The following ACSM2B variants were observed in gnomAD, a reference collection of about 807,000 sequenced individuals.
ACSM2B encodes the protein acyl-CoA synthetase medium chain family member 2B, also known as acyl-coenzyme A synthetase ACSM2B, mitochondrial.
ACSM2B carries 58 observed loss-of-function variants against 78.6 expected under a neutral mutation model. That is an observed-to-expected ratio of 0.74 (90% CI 0.60 to 0.92). The LOEUF is 0.92. ACSM2B is among the 40% of genes least tolerant of loss of function. The pLI is 0.00. For synonymous variants in ACSM2B, 257 were observed against 256.8 expected (o/e 1.00, Z -0.01); for missense variants, 688 against 711.2 (o/e 0.97, Z 0.37).
chr16:20,558,977 T>A (rs1384687606), intron 3 of ACSM2B, among the ~76,000 whole-genome samples: 1 of 152,210 alleles, frequency 6.6e-6, no homozygotes, highest in Non-Finnish European at 1.5e-5. Flanking sequence ...ACATGTGCAA[T>A]TAATAGTTTA....
Position 20,537,362 on chromosome 16 carries a change from T to A in ACSM2B, c.1630A>T (p.Ile544Leu), listed in dbSNP as rs757753780. Residue 544 changes from isoleucine (I) to leucine (L), a missense_variant and splice_region_variant, in exon 14 of 14, where the codon ATA becomes TTA. Ile to Leu is a conservative substitution (Grantham distance 5, BLOSUM62 2). Coordinates refer to ENST00000329697, the MANE Select transcript of ACSM2B (RefSeq NM_001105069.2). Reference protein sequence around the residue: ...VTAPYKYPRKIEFVLNLPKTV... With the variant: ...VTAPYKYPRKLEFVLNLPKTV... ...TTGGGCAGGTTCAAGACAAACTCTA[T>A]CTGTTGAAAAACAAATCAGTCCAGG... 6.2e-7 allele frequency: 1 copy of A among 1,613,904 alleles called. No individual in the cohort carries two copies. Among genetic ancestry groups the A allele is most frequent in the East Asian group, 2.2e-5 (1 of 44,854 alleles).
At chr16:20,543,052 G>C (rs747655051) in intron 11 of ACSM2B, 39 bp from the exon 12 acceptor site, 1 of 1,613,128 alleles carries the variant, frequency 6.2e-7, no homozygotes, top group Non-Finnish European at 8.5e-7. Flanking sequence ...ACTGGACACC[G>C]AACCTCTAGG....
chr16:20,564,297 G>A (rs865943862), intron 2 of ACSM2B, among the ~76,000 whole-genome samples: 8,381 of 102,864 alleles, frequency 0.081, 9 homozygotes, highest in East Asian at 0.22. Context: ...ACAGAGTCTC[G>A]CTGTGTTGCC....
At chr16:20,555,853 G>T (rs968096150) in intron 3 of ACSM2B, among the ~76,000 whole-genome samples, 5 of 152,108 alleles carry the variant, frequency 3.3e-5, no homozygotes, top group Admixed American at 6.5e-5. Flanking sequence ...AAGGCACTTG[G>T]AACTGTCCAT....
intron 13 of ACSM2B, among the ~76,000 whole-genome samples, chr16:20,537,840 A>G (rs1171135927): frequency 6.6e-6 from 1 of 152,208 alleles, no homozygotes; most frequent in Non-Finnish European, 1.5e-5. Flanking sequence ...GTGGTTATTA[A>G]TCTGGATTAA....
chr16:20,546,336 A>T, intron 9 of ACSM2B, 58 bp downstream of exon 9: 2 of 1,559,754 alleles, frequency 1.3e-6, no homozygotes, highest in Non-Finnish European at 1.7e-6. Flanking sequence ...GGAAAACATA[A>T]ATTACTGAAA....
At chr16:20,557,402 A>G (rs1207413028) in intron 3 of ACSM2B, among the ~76,000 whole-genome samples, 3 of 144,730 alleles carry the variant, frequency 2.1e-5, no homozygotes, top group Admixed American at 6.8e-5. Flanking sequence ...CCCTGTTATT[A>G]GTTCCCCCCC....
chr16:20,547,477 A>G (rs2015174870), intron 8 of ACSM2B: 1 of 975,698 alleles, frequency 1.0e-6, no homozygotes, highest in African/African-American at 1.8e-5. Flanking sequence ...GCACTGGAAA[A>G]AGGAGAAGAA....
chr16:20,545,404 G>A (rs549876093), intron 9 of ACSM2B, 146 bp from the exon 10 acceptor site: 4 of 935,650 alleles, frequency 4.3e-6, no homozygotes, highest in Admixed American at 5.9e-5. Flanking sequence ...GGGAACCCAA[G>A]AGTCTTAAAC....
chr16:20,545,574 G>A (rs746634126), intron 9 of ACSM2B, among the ~76,000 whole-genome samples: 27 of 152,118 alleles, frequency 1.8e-4, no homozygotes, highest in Admixed American at 4.6e-4. Flanking sequence ...CTTAGAAATC[G>A]GGCAGATCAA....
At chr16:20,552,035 G>T (rs1378739471) in intron 6 of ACSM2B, 109 bp downstream of exon 6, 1 of 1,510,450 alleles carries the variant, frequency 6.6e-7, no homozygotes. Context: ...TTCTCCACAT[G>T]GCAGAGGTTT....
At chr16:20,572,549 G>A in intron 1 of ACSM2B, among the ~76,000 whole-genome samples, 1 of 142,416 alleles carries the variant, frequency 7.0e-6, no homozygotes, top group South Asian at 2.3e-4. Context: ...ATGACAATGT[G>A]CCTAGGCAAT....
At chr16:20,574,235 C>G (rs1181073726) in intron 1 of ACSM2B, 23 of 152,074 alleles carry the variant, frequency 1.5e-4, no homozygotes, top group Non-Finnish European at 2.9e-4. Flanking sequence ...CTATTCTGCC[C>G]GACCCCGCAG....
chr16:20,563,321 C>T (rs1040653642), intron 2 of ACSM2B, among the ~76,000 whole-genome samples: 7 of 152,040 alleles, frequency 4.6e-5, no homozygotes, highest in African/African-American at 1.7e-4. Flanking sequence ...TATACTTTGC[C>T]TGGTTTTATA....
chr16:20,570,807 G>C (rs2016070696), intron 1 of ACSM2B, among the ~76,000 whole-genome samples: 1 of 151,858 alleles, frequency 6.6e-6, no homozygotes, highest in African/African-American at 2.4e-5. Flanking sequence ...TAGGAGGGTT[G>C]TATCTTCCCA....
rs28705074 is a variant in ACSM2B, at chr16:20,566,282, T to G, written c.-8-1429A>C. On this transcript the variant is annotated intron_variant, in intron 1 of 13. Transcript: ENST00000329697. ...ATATATATATATATATATATATATA[T>G]ATAGACAGATATATAGATATATAAA... Among the ~76,000 whole-genome samples, 108 of 123,742 alleles carry G rather than the reference T, an allele frequency of 8.7e-4. 1 individual carries two copies. The highest frequency in any genetic ancestry group is 3.2e-3 in the African/African-American group (104 of 32,520). The allele number at this position is 123,742 out of a possible 152,430, so 81.2% of individuals were successfully genotyped here. A position where few individuals can be genotyped will look rare whatever the true frequency, so the allele number is the denominator to read the frequency against.
At chr16:20,575,179 C>A (rs1003344148) in intron 1 of ACSM2B, among the ~76,000 whole-genome samples, 2 of 151,510 alleles carry the variant, frequency 1.3e-5, no homozygotes, top group Non-Finnish European at 2.9e-5. Context: ...CAAAAGAACT[C>A]CATCCTTAAT....
intron 5 of ACSM2B, among the ~76,000 whole-genome samples, chr16:20,553,051 AGAAACTG>A (rs1364929790): frequency 6.6e-6 from 1 of 152,194 alleles, no homozygotes; most frequent in East Asian, 1.9e-4. Context: ...CCCATCTTTT[AGAAACTG>A]CCTTTTACTG....
chr16:20,543,818 A>T (rs143789490), intron 10 of ACSM2B, among the ~76,000 whole-genome samples: 9,354 of 152,136 alleles, frequency 0.061, 918 homozygotes, highest in African/African-American at 0.21. Flanking sequence ...TATCTGACTC[A>T]GGTATAGGGG....
Sources: gnomAD v4.1 joint callset for allele counts (sites outside exome capture counted in the v4.1 genomes callset) on GRCh38, gnomAD v4.1.1 for gene constraint, MANE v1.5 for transcripts, NCBI Gene and HGNC (gene_info 2026-07-23, HGNC 2026-07-21) for gene names.